The following SOX5 variants were observed in gnomAD, a reference collection of about 807,000 sequenced individuals.
SOX5 encodes transcription factor SOX-5.
Under a neutral mutation model 92.0 loss-of-function variants are expected in SOX5, and 9 were observed. The ratio of observed to expected loss-of-function variants is 0.10; its 90% CI spans 0.06 to 0.17. The LOEUF (loss-of-function observed/expected upper bound fraction) is 0.17, where lower values mean the gene tolerates loss of function less well. Ranked by LOEUF, SOX5 falls within the 10% of genes least tolerant of loss-of-function variation. The probability of loss-of-function intolerance (pLI) is 1.00; values close to 1 mark genes in which losing one functional copy is unlikely to be tolerated. For synonymous variants in SOX5, 344 were observed against 336.3 expected, an observed-to-expected ratio of 1.02 and a Z score of -0.25; for missense variants, 642 against 944.5, an observed-to-expected ratio of 0.68 and a Z score of 4.20.
intron 3 of SOX5, among the ~76,000 whole-genome samples, chr12:24,214,996 G>T (rs1164553617): frequency 2.0e-5 from 3 of 151,852 alleles, no homozygotes; most frequent in Non-Finnish European, 4.4e-5. Flanking sequence ...ATTAATAAAG[G>T]GAAAAATCAT....
chr12:24,093,327 C>T (rs1296507911), intron 4 of SOX5, among the ~76,000 whole-genome samples: 20 of 152,088 alleles, frequency 1.3e-4, no homozygotes, highest in African/African-American at 4.6e-4. Flanking sequence ...CGAGACCATC[C>T]TGGCTAACAC....
chr12:23,910,141 T>C (rs993099060), intron 1 of SOX5, among the ~76,000 whole-genome samples: 3 of 152,162 alleles, frequency 2.0e-5, no homozygotes, highest in Non-Finnish European at 4.4e-5. Flanking sequence ...TCAAGATAGT[T>C]ATTTATGCTA....
chr12:24,396,050 G>C (rs528129557), intron 1 of SOX5, among the ~76,000 whole-genome samples: 2 of 152,214 alleles, frequency 1.3e-5, no homozygotes, highest in Non-Finnish European at 2.9e-5. Flanking sequence ...CCATCCTCTC[G>C]TGTCACATAA....
At chr12:23,565,903 T>A (rs1053135820) in intron 10 of SOX5, among the ~76,000 whole-genome samples, 1 of 152,142 alleles carries the variant, frequency 6.6e-6, no homozygotes, top group African/African-American at 2.4e-5. Flanking sequence ...GCTGACTCCG[T>A]CTCCCTCAGC....
At chr12:24,430,923 C>G (rs1287560884) in intron 1 of SOX5, among the ~76,000 whole-genome samples, 1 of 152,160 alleles carries the variant, frequency 6.6e-6, no homozygotes, top group Non-Finnish European at 1.5e-5. Flanking sequence ...TAAATTATAT[C>G]CGATGTCTCT....
chr12:24,359,034 T>C (rs1444455180), intron 2 of SOX5, among the ~76,000 whole-genome samples: 2 of 152,190 alleles, frequency 1.3e-5, no homozygotes, highest in African/African-American at 4.8e-5. Context: ...AAGTCCACCA[T>C]GCTTTGAACC....
chr12:23,557,664 C>T (rs190159613), intron 11 of SOX5, among the ~76,000 whole-genome samples: 115 of 152,246 alleles, frequency 7.6e-4, no homozygotes, highest in African/African-American at 2.7e-3. Context: ...TCTTTGTGAA[C>T]CCCAGACAAG....
intron 2 of SOX5, among the ~76,000 whole-genome samples, chr12:24,330,282 G>A (rs1951155797): frequency 6.6e-6 from 1 of 152,084 alleles, no homozygotes; most frequent in Non-Finnish European, 1.5e-5. Context: ...AACTTAGGTT[G>A]GCTTAAGAAA....
chr12:24,143,653 G>T (rs1303379463), intron 4 of SOX5, among the ~76,000 whole-genome samples: 1 of 152,038 alleles, frequency 6.6e-6, no homozygotes, highest in Non-Finnish European at 1.5e-5. Flanking sequence ...TGAAACTGTA[G>T]ATACAGAAAT....
intron 4 of SOX5, among the ~76,000 whole-genome samples, chr12:24,137,182 A>G (rs760265431): frequency 1.1e-4 from 17 of 152,242 alleles, no homozygotes; most frequent in South Asian, 4.1e-4. Context: ...AAATAAATGC[A>G]GTCATTACTG....
chr12:24,464,576 T>C (rs562132164), intron 1 of SOX5, among the ~76,000 whole-genome samples: 73 of 152,268 alleles, frequency 4.8e-4, no homozygotes, highest in African/African-American at 1.7e-3. Context: ...CTCCTGACCT[T>C]GTGATCCACC....
At chr12:23,612,212 A>C (rs1006106254) in intron 8 of SOX5, among the ~76,000 whole-genome samples, 3 of 152,088 alleles carry the variant, frequency 2.0e-5, no homozygotes, top group Non-Finnish European at 4.4e-5. Context: ...AAAATATATT[A>C]AAAATATGTA....
At chr12:24,073,900 T>G (rs1229707029) in intron 4 of SOX5, among the ~76,000 whole-genome samples, 1 of 152,160 alleles carries the variant, frequency 6.6e-6, no homozygotes, top group Non-Finnish European at 1.5e-5. Context: ...TGCTCCCAGT[T>G]TTTGGCTATT....
chr12:24,083,051 G>A (rs1004016178), intron 4 of SOX5, among the ~76,000 whole-genome samples: 9 of 151,964 alleles, frequency 5.9e-5, no homozygotes, highest in African/African-American at 1.7e-4. Flanking sequence ...CAGAATTTGT[G>A]TAATTCCTTA....
intron 1 of SOX5, among the ~76,000 whole-genome samples, chr12:23,905,406 A>T (rs894302563): frequency 6.6e-6 from 1 of 152,202 alleles, no homozygotes; most frequent in Admixed American, 6.5e-5. Context: ...CACCCAGAAA[A>T]TGTTCTAGTA....
intron 4 of SOX5, among the ~76,000 whole-genome samples, chr12:24,013,742 T>A (rs17402375): frequency 0.05 from 7,591 of 152,276 alleles, 256 homozygotes; most frequent in Middle Eastern, 0.085. Flanking sequence ...GTTTGAGATA[T>A]AAAGTAAGGC....
At chr12:24,460,896 C>T (rs1219042063) in intron 1 of SOX5, 1 of 152,176 alleles carries the variant, frequency 6.6e-6, no homozygotes, top group Non-Finnish European at 1.5e-5. Flanking sequence ...ACTTATATGA[C>T]TGTACCATAT....
At chr12:24,468,529 C>T (rs1944461186) in intron 1 of SOX5, among the ~76,000 whole-genome samples, 1 of 152,142 alleles carries the variant, frequency 6.6e-6, no homozygotes, top group African/African-American at 2.4e-5. Flanking sequence ...TAAGATTGAT[C>T]CCAGACCTCA....
intron 4 of SOX5, among the ~76,000 whole-genome samples, chr12:23,982,282 C>T (rs548174253): frequency 6.6e-6 from 1 of 152,300 alleles, no homozygotes; most frequent in East Asian, 1.9e-4. Context: ...GAATAGATGC[C>T]AGGTCTACCT....
Sources: gnomAD v4.1 joint callset for allele counts (sites outside exome capture counted in the v4.1 genomes callset) on GRCh38, gnomAD v4.1.1 for gene constraint, MANE v1.5 for transcripts, NCBI Gene and HGNC (gene_info 2026-07-23, HGNC 2026-07-21) for gene names.